Variants in KIAA1549L observed in about 807,000 individuals in gnomAD.
KIAA1549L encodes UPF0606 protein KIAA1549L.
Under a neutral mutation model 160.7 loss-of-function variants are expected in KIAA1549L, and 88 were observed. The ratio of observed to expected loss-of-function variants is 0.55; its 90% confidence interval spans 0.46 to 0.65. The LOEUF (loss-of-function observed/expected upper bound fraction) is 0.65, where lower values mean the gene tolerates loss of function less well. Among genes scored for constraint, KIAA1549L ranks in the 30% least tolerant of loss-of-function variants. The pLI is 0.00. For missense variants in KIAA1549L, 2,258 were observed against 2,437.5 expected (o/e 0.93, Z 1.55); for synonymous variants, 950 against 976.7 (o/e 0.97, Z 0.51).
intron 1 of KIAA1549L, among the ~76,000 whole-genome samples, chr11:33,420,115 C>G (rs904873876): frequency 3.3e-5 from 5 of 151,994 alleles, no homozygotes. Context: ...GTAAATATCC[C>G]CTAGTGATTA....
rs185931869 is a variant in KIAA1549L at position 33,616,715 on chromosome 11, G to A, written c.5280-1818G>A. Among the ~76,000 whole-genome samples, 46 of 152,256 alleles carry A rather than the reference G, an allele frequency of 3.0e-4. No homozygotes were observed. The East Asian group carries it at 7.7e-3, about 26-fold the overall frequency. On this transcript the variant is annotated intron_variant, in intron 15 of 20. Coordinates refer to ENST00000658780, the MANE Select transcript of KIAA1549L (RefSeq NM_012194.3). ...ATTGTAATTCTGTGACTAACTTACT[G>A]TGTGTCTATGAAAAAAAATGTGTAA...
intron 16 of KIAA1549L, among the ~76,000 whole-genome samples, chr11:33,624,364 C>A (rs1226743314): frequency 6.6e-6 from 1 of 152,210 alleles, no homozygotes; most frequent in Middle Eastern, 3.2e-3. Context: ...TTAGAGTCCA[C>A]TAGTTCCTTA....
chr11:33,417,935 G>A (rs866662249), intron 1 of KIAA1549L, among the ~76,000 whole-genome samples: 1 of 151,954 alleles, frequency 6.6e-6, no homozygotes, highest in Non-Finnish European at 1.5e-5. Context: ...CCACCACCAC[G>A]CCCAGCTAAT....
At chr11:33,636,815 T>TG (rs1273749371) in intron 16 of KIAA1549L, among the ~76,000 whole-genome samples, 9 of 152,180 alleles carry the variant, frequency 5.9e-5, no homozygotes, top group Non-Finnish European at 8.8e-5. Context: ...AGGCATCCAG[T>TG]GGGGGTCTTG....
chr11:33,606,688 A>G lies in KIAA1549L; in HGVS notation c.4927A>G (p.Ser1643Gly), dbSNP rs914918555. 3 of 1,613,896 alleles carry G rather than the reference A, an allele frequency of 1.9e-6. No homozygotes were observed. Among genetic ancestry groups the G allele is most frequent in the Non-Finnish European group, 2.5e-6 (3 of 1,179,892 alleles). The change falls in exon 14 of 21, where the codon AGC becomes GGC. Residue 1643 changes from serine to glycine, a missense_variant. Coordinates refer to ENST00000658780, the MANE Select transcript of KIAA1549L (RefSeq NM_012194.3). ...EEGAVLFDNS[S>G]KVAAEPFDTS... Reference sequence around the variant, plus strand: ...GGGAGCGGTTCTATTTGACAACTCCAGCAAGGTGGCCGCTGAACCCTTTGA... The same window carrying G: ...GGGAGCGGTTCTATTTGACAACTCCGGCAAGGTGGCCGCTGAACCCTTTGA...
chr11:33,659,814 A>G (rs1256074553), intron 19 of KIAA1549L, among the ~76,000 whole-genome samples: 1 of 152,180 alleles, frequency 6.6e-6, no homozygotes, highest in East Asian at 1.9e-4. Context: ...GGGGAGTTGG[A>G]CCACCACTTC....
chr11:33,587,848 G>T (rs1044851226), intron 11 of KIAA1549L, among the ~76,000 whole-genome samples: 2 of 152,178 alleles, frequency 1.3e-5, no homozygotes, highest in African/African-American at 4.8e-5. Flanking sequence ...TGCTGTTGGA[G>T]CCTCCCACTT....
chr11:33,548,260 G>A (rs996021468), intron 4 of KIAA1549L, among the ~76,000 whole-genome samples: 3 of 152,040 alleles, frequency 2.0e-5, no homozygotes, highest in South Asian at 2.1e-4. Flanking sequence ...TTAGCTGGGC[G>A]TGGTGGCAGG....
chr11:33,416,943 A>G (rs1357656911), intron 1 of KIAA1549L, among the ~76,000 whole-genome samples: 1 of 152,164 alleles, frequency 6.6e-6, no homozygotes, highest in Non-Finnish European at 1.5e-5. Flanking sequence ...ACACACCTGT[A>G]ATTTTATCAG....
At chr11:33,450,633 C>T (rs1851703222) in intron 1 of KIAA1549L, 1 of 152,086 alleles carries the variant, frequency 6.6e-6, no homozygotes, top group South Asian at 2.1e-4. Flanking sequence ...GTTCTTTGCT[C>T]AACTCCAACA....
chr11:33,559,977 A>G lies in KIAA1549L; in HGVS notation c.4018+66A>G. 3.4e-6 allele frequency: 5 copies of G among 1,462,268 alleles called. No homozygotes were observed. The South Asian group carries it at 5.9e-5, about 17-fold the overall frequency. 90.6% of individuals were successfully genotyped at this position (1,462,268 alleles called of 1,614,324 possible). ...TGTGGCCTTTCTCCATTTAGCAAAC[A>G]TTTATAGTGCCAGGCCACATACTAC... On this transcript the variant is annotated intron_variant, in intron 7 of 20. Transcript: ENST00000658780.
At chr11:33,571,411 C>T (rs796894648) in intron 9 of KIAA1549L, among the ~76,000 whole-genome samples, 40 of 152,196 alleles carry the variant, frequency 2.6e-4, no homozygotes, top group African/African-American at 7.2e-4. Flanking sequence ...GTGATTAGGC[C>T]GTTCTTGCAT....
chr11:33,383,086 A>G (rs1850104528), intron 1 of KIAA1549L, among the ~76,000 whole-genome samples: 1 of 152,134 alleles, frequency 6.6e-6, no homozygotes, highest in Non-Finnish European at 1.5e-5. Flanking sequence ...CCTTCCGTCA[A>G]ACTGACCACC....
intron 16 of KIAA1549L, 33 bp from the exon 17 acceptor site, chr11:33,645,653 A>G: frequency 6.6e-7 from 1 of 1,513,924 alleles, no homozygotes; most frequent in Non-Finnish European, 9.2e-7. Context: ...GAAGGAAAGT[A>G]AACACATCAA....
chr11:33,603,061 G>T (rs1850404736), intron 13 of KIAA1549L, among the ~76,000 whole-genome samples: 3 of 152,042 alleles, frequency 2.0e-5, no homozygotes. Flanking sequence ...CCCTCTGATG[G>T]GTTGAGGGAT....
intron 16 of KIAA1549L, among the ~76,000 whole-genome samples, chr11:33,625,841 A>G (rs1420448132): frequency 1.3e-5 from 2 of 152,160 alleles, no homozygotes; most frequent in South Asian, 2.1e-4. Context: ...GCCCATGTCT[A>G]TGTCTTGAAT....
chr11:33,464,809 T>C (rs1197514157), intron 1 of KIAA1549L, among the ~76,000 whole-genome samples: 1 of 152,096 alleles, frequency 6.6e-6, no homozygotes, highest in African/African-American at 2.4e-5. Context: ...TTGATCACCC[T>C]GTGTCTTCCC....
At chr11:33,561,089 A>G (rs1854842980) in intron 7 of KIAA1549L, among the ~76,000 whole-genome samples, 1 of 152,222 alleles carries the variant, frequency 6.6e-6, no homozygotes, top group African/African-American at 2.4e-5. Context: ...ACTTGTAAAG[A>G]AATATGGGCC....
chr11:33,447,300 T>C (rs76149985), intron 1 of KIAA1549L, among the ~76,000 whole-genome samples: 1,570 of 151,962 alleles, frequency 0.01, 28 homozygotes, highest in African/African-American at 0.037. Context: ...ATAAGTAAGA[T>C]GATGATGTGA....
Sources: allele counts gnomAD v4.1 joint callset (sites outside exome capture counted in the v4.1 genomes callset), GRCh38; gene constraint gnomAD v4.1.1; transcripts MANE v1.5; gene names NCBI Gene and HGNC (gene_info 2026-07-23, HGNC 2026-07-21).